Variants in MS4A8 observed in about 807,000 individuals in gnomAD.
MS4A8 encodes membrane spanning 4-domains A8.
In MS4A8, 27 loss-of-function variants were observed where a neutral mutation model predicts 23.7. The observed-to-expected ratio is 1.14, with a 90% CI of 0.84 to 1.57. The LOEUF (loss-of-function observed/expected upper bound fraction) is 1.57, where lower values mean the gene tolerates loss of function less well. Among genes scored for constraint, MS4A8 ranks in the 40% most tolerant of loss-of-function variants. MS4A8 has a pLI of 0.00. For synonymous variants in MS4A8, 138 were observed against 126.3 expected, an observed-to-expected ratio of 1.09 and a Z score of -0.62; for missense variants, 301 against 311.4, an observed-to-expected ratio of 0.97 and a Z score of 0.25.
At chr11:60,700,607 C>A (rs2088194326) in intron 1 of MS4A8, among the ~76,000 whole-genome samples, 2 of 152,122 alleles carry the variant, frequency 1.3e-5, no homozygotes, top group African/African-American at 4.8e-5. Flanking sequence ...GGACCCCTTG[C>A]CCTCTGGTAG....
At chr11:60,702,189 T>C (rs2088210794) in intron 2 of MS4A8, among the ~76,000 whole-genome samples, 1 of 152,226 alleles carries the variant, frequency 6.6e-6, no homozygotes, top group Admixed American at 6.5e-5. Flanking sequence ...CCAAACATCA[T>C]AGCTTAGCCT....
intron 3 of MS4A8, 132 bp downstream of exon 3, chr11:60,703,632 G>C (rs2088226490): frequency 9.8e-7 from 1 of 1,018,676 alleles, no homozygotes; most frequent in Non-Finnish European, 1.4e-6. Flanking sequence ...TAGGAAACCA[G>C]CCAGCCCTGG....
At chr11:60,714,049 C>T (rs1435654900) in intron 5 of MS4A8, among the ~76,000 whole-genome samples, 4 of 148,136 alleles carry the variant, frequency 2.7e-5, no homozygotes, top group South Asian at 2.1e-4. Context: ...CTCAGCCTCC[C>T]GAGTAGCTGG....
In MS4A8 at chr11:60,709,124, T is replaced by C. The variant is rs2088281408; in HGVS notation, c.534+343T>C. 7 of 295,278 alleles carry C rather than the reference T, an allele frequency of 2.4e-5. 1 individual carries two copies. Among genetic ancestry groups the C allele is most frequent in the South Asian group, 1.9e-4 (6 of 31,616 alleles). The allele number at this position is 295,278 out of a possible 1,614,324, so 18.3% of individuals were successfully genotyped here. On this transcript the variant is annotated intron_variant, in intron 5 of 6. Coordinates refer to ENST00000300226, the MANE Select transcript of MS4A8 (RefSeq NM_031457.2). ...TATAAGCCAGAGGTTAGCAAACTTA[T>C]TCTCTAAAGAGCCAATAGTAAGCAG...
chr11:60,714,365 A>G (rs1471763344), intron 5 of MS4A8, among the ~76,000 whole-genome samples: 5 of 152,160 alleles, frequency 3.3e-5, no homozygotes, highest in Non-Finnish European at 7.4e-5. Flanking sequence ...TTACAGATTA[A>G]CAGCAGCTCG....
Position 60,709,105 on chromosome 11 carries a change from C to T in MS4A8, c.534+324C>T, listed in dbSNP as rs1354769416. 3 of 317,338 alleles carry T rather than the reference C, an allele frequency of 9.5e-6. No homozygotes were observed. In the Admixed American group the frequency reaches 1.4e-4, roughly 15 times the overall value. 19.7% of individuals were successfully genotyped at this position (317,338 alleles called of 1,614,324 possible). A position where few individuals can be genotyped will look rare whatever the true frequency, so the allele number is the denominator to read the frequency against. Reference sequence around the variant, plus strand: ...CTGCCTTCTTGCCCATTACTATAAGCCAGAGGTTAGCAAACTTATTCTCTA... The same window carrying T: ...CTGCCTTCTTGCCCATTACTATAAGTCAGAGGTTAGCAAACTTATTCTCTA... On this transcript the variant is annotated intron_variant, in intron 5 of 6. Transcript: ENST00000300226.
chr11:60,711,990 A>T lies in MS4A8; in HGVS notation c.535-3031A>T, dbSNP rs1017101550. 17 of 247,722 alleles carry T rather than the reference A, an allele frequency of 6.9e-5. No homozygotes were observed. In the Admixed American group the frequency reaches 9.2e-4, roughly 13 times the overall value. 15.3% of individuals were successfully genotyped at this position (247,722 alleles called of 1,614,324 possible). ...GGAGATACTCCGGGGTTTCCACATCAGGAATTATTTTTCATCAAATAAAAA... is the reference window on the plus strand; with the variant it reads ...GGAGATACTCCGGGGTTTCCACATCTGGAATTATTTTTCATCAAATAAAAA... On this transcript the variant is annotated intron_variant, in intron 5 of 6. Transcript: ENST00000300226.
At chr11:60,706,958 T>TCTTTCTAAACCC (rs780798052) in intron 3 of MS4A8, 30 bp from the exon 4 acceptor site, 18 of 1,610,810 alleles carry the variant, frequency 1.1e-5, no homozygotes, top group Admixed American at 8.3e-5. Flanking sequence ...GCCCCTGACC[T>TCTTTCTAAACCC]CTTTCTAAAC....
intron 2 of MS4A8, 126 bp downstream of exon 2, chr11:60,701,205 C>A: frequency 1.2e-6 from 1 of 857,592 alleles, no homozygotes; most frequent in Non-Finnish European, 1.9e-6. Flanking sequence ...CGCGCCTTGC[C>A]AAGCACAGGT....
intron 2 of MS4A8, among the ~76,000 whole-genome samples, chr11:60,702,200 C>T (rs531216233): frequency 5.3e-5 from 8 of 152,298 alleles, no homozygotes; most frequent in African/African-American, 1.7e-4. Context: ...AGCTTAGCCT[C>T]GCCTACCTTA....
chr11:60,701,025 G>A lies in MS4A8; in HGVS notation c.165G>A (p.Ser55=), dbSNP rs749352344. 55 of 1,614,024 alleles carry A rather than the reference G, an allele frequency of 3.4e-5. No individual in the cohort carries two copies. Among genetic ancestry groups the A allele is most frequent in the Non-Finnish European group, 3.4e-5 (40 of 1,180,018 alleles). ...CTGGGAACCCACCTAGTTTGGTGTCGAATGTGAATGGGCAGCCTGTGCAGA... is the reference window on the plus strand; with the variant it reads ...CTGGGAACCCACCTAGTTTGGTGTCAAATGTGAATGGGCAGCCTGTGCAGA... ...LVPGNPPSLV[S]NVNGQPVQKA... Residue 55 remains serine, a synonymous_variant, in exon 2 of 7, where the codon TCG becomes TCA. Coordinates refer to ENST00000300226, the MANE Select transcript of MS4A8 (RefSeq NM_031457.2).
At chr11:60,713,445 A>C (rs559700254) in intron 5 of MS4A8, among the ~76,000 whole-genome samples, 1 of 152,182 alleles carries the variant, frequency 6.6e-6, no homozygotes. Flanking sequence ...ATGTCTCTGC[A>C]TCATAAACAA....
In MS4A8 at chr11:60,707,812, C is replaced by CTTTTTTTTTTTT. The variant is rs5792195; in HGVS notation, c.402+777_402+788dup. 4.1e-3 allele frequency among the ~76,000 whole-genome samples: 226 copies of CTTTTTTTTTTTT among 55,146 alleles called. 1 individual carries two copies. The highest frequency in any genetic ancestry group is 4.5e-3 in the Non-Finnish European group (132 of 29,152). 36.2% of individuals were successfully genotyped at this position (55,146 alleles called of 152,430 possible). ...ATTATTCTTTTTTCTTTTTCTTTTT[C>CTTTTTTTTTTTT]TTTTTTTTTTTTTTTTTTTTTTTGT... On this transcript the variant is annotated intron_variant, in intron 4 of 6. Transcript: ENST00000300226.
intron 1 of MS4A8, among the ~76,000 whole-genome samples, chr11:60,700,545 CA>C (rs201018359): frequency 2.0e-5 from 3 of 149,150 alleles, no homozygotes; most frequent in Admixed American, 6.7e-5. Context: ...GACTCTGTCT[CA>C]AAAAAAAATT....
In MS4A8 at chr11:60,703,382, T is replaced by A; in HGVS notation, c.224T>A (p.Ile75Asn). Residue 75 changes from isoleucine (I) to asparagine (N), a missense_variant, in exon 3 of 7, where the codon ATC (isoleucine) becomes AAC (asparagine). Physicochemically the swap from Ile to Asn is moderately radical, Grantham distance 149. Coordinates refer to ENST00000300226, the MANE Select transcript of MS4A8 (RefSeq NM_031457.2). ...AGCTTGTGGCTCTCCTGACAGGCCATCCAGATCATCATTGGCCTGGCTCAC... is the reference window on the plus strand; with the variant it reads ...AGCTTGTGGCTCTCCTGACAGGCCAACCAGATCATCATTGGCCTGGCTCAC... ...ALKEGKTLGA[I>N]QIIIGLAHIG... The A allele has an allele frequency of 6.4e-7, 1 of 1,572,688 alleles. No individual in the cohort carries two copies. Among genetic ancestry groups the A allele is most frequent in the Non-Finnish European group, 8.6e-7 (1 of 1,161,404 alleles).
At chr11:60,707,812 CTTTTTTTTTTTTT>C (rs5792195) in intron 4 of MS4A8, among the ~76,000 whole-genome samples, 3 of 55,144 alleles carry the variant, frequency 5.4e-5, no homozygotes, top group Non-Finnish European at 1.0e-4. Context: ...TTTTCTTTTT[CTTTTTTTTTTTTT>C]TTTTTTTTTT....
intron 2 of MS4A8, among the ~76,000 whole-genome samples, chr11:60,702,212 A>G (rs2088211010): frequency 6.6e-6 from 1 of 152,208 alleles, no homozygotes; most frequent in South Asian, 2.1e-4. Flanking sequence ...CCTACCTTAA[A>G]CAAGTTCAGA....
At chr11:60,712,694 T>A (rs1448981738) in intron 5 of MS4A8, among the ~76,000 whole-genome samples, 5 of 151,680 alleles carry the variant, frequency 3.3e-5, no homozygotes, top group Admixed American at 1.3e-4. Context: ...CTCGGGAGGC[T>A]GAGGCAGGAG....
intron 2 of MS4A8, among the ~76,000 whole-genome samples, chr11:60,702,104 G>C (rs1327356274): frequency 6.6e-6 from 1 of 152,164 alleles, no homozygotes; most frequent in African/African-American, 2.4e-5. Flanking sequence ...CATTTACAAT[G>C]GGATTATGTC....
Sources: gnomAD v4.1 joint callset for allele counts (sites outside exome capture counted in the v4.1 genomes callset) on GRCh38, gnomAD v4.1.1 for gene constraint, MANE v1.5 for transcripts, NCBI Gene and HGNC (gene_info 2026-07-23, HGNC 2026-07-21) for gene names.